ST18: variants seen among roughly 807,000 people sequenced by gnomAD.
ST18 encodes the protein suppression of tumorigenicity 18 protein.
In ST18, 50 loss-of-function variants were observed where a neutral mutation model predicts 110.0. The observed-to-expected ratio is 0.45, with a 90% CI of 0.36 to 0.58. The LOEUF is 0.58. Among genes scored for constraint, ST18 ranks in the 20% least tolerant of loss-of-function variants. ST18 has a pLI of 0.00. For synonymous variants in ST18, 461 were observed against 452.4 expected, an observed-to-expected ratio of 1.02 and a Z score of -0.24; for missense variants, 1,306 against 1,280.1, an observed-to-expected ratio of 1.02 and a Z score of -0.31.
intron 8 of ST18, among the ~76,000 whole-genome samples, chr8:52,209,665 C>T (rs143055783): frequency 6.7e-6 from 1 of 150,174 alleles, no homozygotes; most frequent in African/African-American, 2.4e-5. Context: ...AGCTACTCGA[C>T]AGGCTGAGGC....
At chr8:52,147,857 T>C (rs2057757484) in intron 16 of ST18, among the ~76,000 whole-genome samples, 1 of 152,170 alleles carries the variant, frequency 6.6e-6, no homozygotes, top group African/African-American at 2.4e-5. Flanking sequence ...TTGAAGCGCA[T>C]TCCCTTACCC....
chr8:52,295,912 C>T (rs1007828838), intron 2 of ST18, among the ~76,000 whole-genome samples: 2 of 151,658 alleles, frequency 1.3e-5, no homozygotes, highest in Non-Finnish European at 1.5e-5. Flanking sequence ...CCGCAGAGTT[C>T]GAGGGAGCTT....
rs146395029 is a variant in ST18 at position 52,310,148 on chromosome 8, G to A, written c.-464-80071C>T. On this transcript the variant is annotated intron_variant, in intron 2 of 25. Coordinates refer to ENST00000689386, the MANE Select transcript of ST18 (RefSeq NM_001352837.2). Reference sequence around the variant, plus strand: ...CAATGCTTAAAATATGGATTATAAAGAGAACAAGAGACCTCATTTTTCTTT... The same window carrying A: ...CAATGCTTAAAATATGGATTATAAAAAGAACAAGAGACCTCATTTTTCTTT... 5.9e-3 allele frequency among the ~76,000 whole-genome samples: 903 copies of A among 152,294 alleles called. 6 individuals carry two copies. Among genetic ancestry groups the A allele is most frequent in the African/African-American group, 0.021 (855 of 41,572 alleles).
intron 15 of ST18, among the ~76,000 whole-genome samples, chr8:52,150,329 G>T (rs1273093626): frequency 6.6e-6 from 1 of 151,646 alleles, no homozygotes; most frequent in Non-Finnish European, 1.5e-5. Context: ...TACAAGTTTA[G>T]CTTTAAATCT....
intron 22 of ST18, among the ~76,000 whole-genome samples, chr8:52,129,800 T>C (rs972103883): frequency 6.6e-6 from 1 of 152,066 alleles, no homozygotes; most frequent in Admixed American, 6.6e-5. Context: ...ATTCCAGCAC[T>C]TTGGGAGGCC....
chr8:52,348,666 C>A (rs1818843303), intron 2 of ST18, among the ~76,000 whole-genome samples: 1 of 152,124 alleles, frequency 6.6e-6, no homozygotes, highest in African/African-American at 2.4e-5. Context: ...ATTGCTTGAA[C>A]CCGGGAGGCA....
intron 2 of ST18, among the ~76,000 whole-genome samples, chr8:52,382,367 G>A (rs1564624153): frequency 2.0e-5 from 3 of 150,822 alleles, no homozygotes; most frequent in Non-Finnish European, 4.4e-5. Flanking sequence ...TTTACTGGCA[G>A]AAAAAAAAAT....
intron 2 of ST18, among the ~76,000 whole-genome samples, chr8:52,272,949 G>A (rs1361755824): frequency 6.6e-6 from 1 of 152,152 alleles, no homozygotes; most frequent in East Asian, 1.9e-4. Flanking sequence ...TAAAATTTCA[G>A]TCAAGCAAAA....
Position 52,172,153 on chromosome 8 carries a change from T to C in ST18, c.708A>G (p.Ile236Met). Reference sequence around the variant, plus strand: ...GGATAAATTTGTCACCTTCAGTTTTTATTTCAGGAACTTCCAATAGGTCTT... The same window carrying C: ...GGATAAATTTGTCACCTTCAGTTTTCATTTCAGGAACTTCCAATAGGTCTT... ...HKKDLLEVPE[I>M]KTEGDKFIPC... The change falls in exon 10 of 26, where the codon ATA (isoleucine) becomes ATG (methionine). Residue 236 changes from isoleucine (I) to methionine (M), a missense_variant. Transcript: ENST00000689386. The C allele has an allele frequency of 3.1e-6, 5 of 1,614,266 alleles. No individual in the cohort carries two copies. Among genetic ancestry groups the C allele is most frequent in the Non-Finnish European group, 4.2e-6 (5 of 1,180,054 alleles).
chr8:52,185,917 G>A (rs1289848366), intron 8 of ST18, among the ~76,000 whole-genome samples: 1 of 152,092 alleles, frequency 6.6e-6, no homozygotes, highest in Non-Finnish European at 1.5e-5. Context: ...CTAATTTAAA[G>A]GAAAACACTG....
At chr8:52,148,660 G>A (rs902348729) in intron 16 of ST18, among the ~76,000 whole-genome samples, 13 of 144,800 alleles carry the variant, frequency 9.0e-5, no homozygotes, top group African/African-American at 3.3e-4. Context: ...AAGGAAAGAA[G>A]GAAGAAAGGA....
At chr8:52,156,013 G>A (rs148864829) in intron 15 of ST18, among the ~76,000 whole-genome samples, 1 of 152,308 alleles carries the variant, frequency 6.6e-6, no homozygotes, top group East Asian at 1.9e-4. Context: ...GATGCAAGCA[G>A]AGGAGAATTG....
chr8:52,206,199 C>A (rs752263902), intron 8 of ST18, among the ~76,000 whole-genome samples: 1 of 152,112 alleles, frequency 6.6e-6, no homozygotes, highest in Non-Finnish European at 1.5e-5. Flanking sequence ...TTTGTCCTGA[C>A]AACCTTATGG....
chr8:52,134,672 C>A (rs2051235086), intron 19 of ST18, among the ~76,000 whole-genome samples: 1 of 152,112 alleles, frequency 6.6e-6, no homozygotes, highest in African/African-American at 2.4e-5. Context: ...ACCAGAGCAA[C>A]CTGCATTGAG....
chr8:52,375,269 G>A (rs895580213), intron 2 of ST18, among the ~76,000 whole-genome samples: 26 of 152,028 alleles, frequency 1.7e-4, no homozygotes, highest in African/African-American at 4.8e-4. Context: ...CCCTGCAGCC[G>A]TCAACTCTTT....
Position 52,149,787 on chromosome 8 carries a change from C to G in ST18, c.1997G>C (p.Trp666Ser). ...FYQALCDQEG[W>S]DTPINYSKTH... ...TTTGCTATAGTTGATAGGAGTGTCC[C>G]AGCCCTCTTGGTCACAAAGAGCCTG... Residue 666 changes from tryptophan (W) to serine (S), a missense_variant, in exon 16 of 26, where the codon TGG becomes TCG. Transcript: ENST00000689386. 6.2e-7 allele frequency: 1 copy of G among 1,614,148 alleles called. No homozygotes were observed. The highest frequency in any genetic ancestry group is 8.5e-7 in the Non-Finnish European group (1 of 1,180,024).
At position 52,132,047 on chromosome 8, in the gene ST18, C is replaced by A. The variant is rs1423226956; in HGVS notation, c.2577G>T (p.Trp859Cys). Residue 859 changes from tryptophan (W) to cysteine (C), a missense_variant, in exon 22 of 26, where the codon TGG (tryptophan) becomes TGT (cysteine). Transcript: ENST00000689386. ...GTGGTAGCTCTTGTTTGTTCAGTTT[C>A]CAGGAGAGGGAGGCTCCATTGAGAG... The part of the protein sequence containing the change: ...ENPLNGASLS[W>C]KLNKQELPHC... 2 of 1,614,212 alleles carry A rather than the reference C, an allele frequency of 1.2e-6. No individual in the cohort carries two copies. The highest frequency in any genetic ancestry group is 3.3e-5 in the Admixed American group (2 of 60,020).
chr8:52,362,947 C>T (rs189762339), intron 2 of ST18, among the ~76,000 whole-genome samples: 38 of 152,292 alleles, frequency 2.5e-4, no homozygotes, highest in Admixed American at 2.4e-3. Context: ...CGCGGTGGCT[C>T]ACGCCTGTAA....
At chr8:52,142,873 A>T in intron 17 of ST18, 57 bp downstream of exon 17, 1 of 1,278,174 alleles carries the variant, frequency 7.8e-7, no homozygotes, top group South Asian at 1.2e-5. Context: ...ACTTTAAGTC[A>T]TGAACTTGAA....
Sources: gnomAD v4.1 joint callset for allele counts (sites outside exome capture counted in the v4.1 genomes callset) on GRCh38, gnomAD v4.1.1 for gene constraint, MANE v1.5 for transcripts, NCBI Gene and HGNC (gene_info 2026-07-23, HGNC 2026-07-21) for gene names.